Variants in GUCY1A2 observed in about 807,000 individuals in gnomAD.
GUCY1A2 encodes guanylate cyclase 1 soluble subunit alpha 2, also known as guanylate cyclase soluble subunit alpha-2.
A neutral mutation model predicts 63.5 loss-of-function variants in GUCY1A2; 27 were observed. That is an observed-to-expected ratio of 0.43 (90% confidence interval 0.31 to 0.59). The LOEUF is 0.59. Among genes scored for constraint, GUCY1A2 ranks in the 20% least tolerant of loss-of-function variants. The pLI, the probability that GUCY1A2 is intolerant of heterozygous loss-of-function variation, is 0.11. For missense variants in GUCY1A2, 768 were observed against 913.3 expected (o/e 0.84, Z 2.05); for synonymous variants, 364 against 343.5 (o/e 1.06, Z -0.66).
At chr11:106,888,707 A>G (rs1010570395) in intron 4 of GUCY1A2, among the ~76,000 whole-genome samples, 3 of 152,164 alleles carry the variant, frequency 2.0e-5, no homozygotes, top group Admixed American at 2.0e-4. Flanking sequence ...AATTACAACA[A>G]TGGTTTCCTT....
chr11:106,852,697 G>C (rs1008468281), intron 4 of GUCY1A2, among the ~76,000 whole-genome samples: 8 of 152,010 alleles, frequency 5.3e-5, no homozygotes, highest in Admixed American at 3.3e-4. Flanking sequence ...TGTGAAATCG[G>C]GTTTGGTTTG....
intron 3 of GUCY1A2, among the ~76,000 whole-genome samples, chr11:106,951,308 A>T (rs2120025045): frequency 6.6e-6 from 1 of 152,310 alleles, no homozygotes; most frequent in East Asian, 1.9e-4. Context: ...ATCCTTGAGG[A>T]ATCGCCACAC....
At chr11:106,826,250 T>C in intron 4 of GUCY1A2, 1 of 680,670 alleles carries the variant, frequency 1.5e-6, no homozygotes, top group Non-Finnish European at 2.4e-6. Flanking sequence ...TTTATGTTTT[T>C]ATATTTTTCC....
At chr11:106,971,023 T>C (rs1861186289) in intron 3 of GUCY1A2, among the ~76,000 whole-genome samples, 1 of 152,098 alleles carries the variant, frequency 6.6e-6, no homozygotes, top group South Asian at 2.1e-4. Flanking sequence ...GGCAAAACTA[T>C]AGCATGGCAA....
chr11:106,951,597 G>C (rs1860909971), intron 3 of GUCY1A2, among the ~76,000 whole-genome samples: 1 of 152,014 alleles, frequency 6.6e-6, no homozygotes, highest in African/African-American at 2.4e-5. Context: ...GTTTGGTTTT[G>C]TTTTTGGAAA....
intron 6 of GUCY1A2, among the ~76,000 whole-genome samples, chr11:106,774,289 A>G (rs972434309): frequency 8.6e-5 from 13 of 151,582 alleles, no homozygotes; most frequent in Non-Finnish European, 1.8e-4. Context: ...CCGCCACCAC[A>G]CCTGGCTAAT....
chr11:106,976,223 T>C lies in GUCY1A2; in HGVS notation c.487+2396A>G, dbSNP rs558785110. ...CCCCAAAGGTGATAAATATAAACCA[T>C]GGAGTTGGAACACTGCCTTCTGCCA... On this transcript the variant is annotated intron_variant, in intron 3 of 7. Coordinates refer to ENST00000526355, the MANE Select transcript of GUCY1A2 (RefSeq NM_000855.3). 5.9e-5 allele frequency among the ~76,000 whole-genome samples: 9 copies of C among 152,068 alleles called. No individual in the cohort carries two copies. In the South Asian group the frequency reaches 8.3e-4, roughly 14 times the overall value.
intron 4 of GUCY1A2, among the ~76,000 whole-genome samples, chr11:106,859,882 C>T (rs1262947658): frequency 6.6e-6 from 1 of 151,870 alleles, no homozygotes; most frequent in Admixed American, 6.6e-5. Flanking sequence ...TAGGCTCTAC[C>T]ATCTAGATTT....
At chr11:106,951,835 G>C (rs545492606) in intron 3 of GUCY1A2, among the ~76,000 whole-genome samples, 19 of 152,262 alleles carry the variant, frequency 1.2e-4, no homozygotes, top group African/African-American at 4.3e-4. Flanking sequence ...GAATGGTATT[G>C]CCTAGGTTTT....
chr11:106,710,897 T>A (rs752544552), intron 6 of GUCY1A2, among the ~76,000 whole-genome samples: 2 of 151,940 alleles, frequency 1.3e-5, no homozygotes, highest in African/African-American at 2.4e-5. Flanking sequence ...GCCACTCTGG[T>A]TGTAAGGAAA....
chr11:106,859,468 T>C lies in GUCY1A2; in HGVS notation c.1207-48990A>G, dbSNP rs113757824. 1.2e-3 allele frequency among the ~76,000 whole-genome samples: 189 copies of C among 152,160 alleles called. 1 individual carries two copies. Among genetic ancestry groups the C allele is most frequent in the African/African-American group, 4.2e-3 (176 of 41,558 alleles). On this transcript the variant is annotated intron_variant, in intron 4 of 7. Transcript: ENST00000526355. ...CAAGAAAGGTATAGTGCCAACGGAA[T>C]TGTACAATAGATTTAATTAATTGAC... is the stretch of plus-strand genomic sequence containing the variant.
At chr11:106,957,907 G>T (rs2120051848) in intron 3 of GUCY1A2, among the ~76,000 whole-genome samples, 1 of 123,596 alleles carries the variant, frequency 8.1e-6, no homozygotes, top group Admixed American at 9.4e-5. Flanking sequence ...AAAAGGTGTT[G>T]TGGTAAAGAA....
chr11:106,903,957 A>G (rs1860169647), intron 4 of GUCY1A2, among the ~76,000 whole-genome samples: 1 of 152,186 alleles, frequency 6.6e-6, no homozygotes, highest in Non-Finnish European at 1.5e-5. Flanking sequence ...CTTTCATTAA[A>G]TCACAACCTG....
rs1371301089 is a variant in GUCY1A2 at position 106,710,321 on chromosome 11, TATAG to T, written c.1837-1659_1837-1656del. 6.1e-3 allele frequency among the ~76,000 whole-genome samples: 122 copies of T among 19,932 alleles called. 12 individuals carry two copies. Among genetic ancestry groups the T allele is most frequent in the African/African-American group, 0.028 (108 of 3,894 alleles). 13.1% of individuals were successfully genotyped at this position (19,932 alleles called of 152,430 possible). A position where few individuals can be genotyped will look rare whatever the true frequency, so the allele number is the denominator to read the frequency against. Reference sequence around the variant, plus strand: ...TTATATATTATATACATGTATATAATATAGTTATATATATAATATATAGTTATAT... The same window carrying T: ...TTATATATTATATACATGTATATAATTTATATATATAATATATAGTTATAT... On this transcript the variant is annotated intron_variant, in intron 6 of 7. Transcript: ENST00000526355.
At chr11:106,950,878 A>G (rs1860898146) in intron 3 of GUCY1A2, among the ~76,000 whole-genome samples, 1 of 151,818 alleles carries the variant, frequency 6.6e-6, no homozygotes, top group African/African-American at 2.4e-5. Context: ...CCATCCTCTA[A>G]GTTCCCTGAC....
chr11:106,953,941 TTTTG>T (rs1860946966), intron 3 of GUCY1A2, among the ~76,000 whole-genome samples: 1 of 152,162 alleles, frequency 6.6e-6, no homozygotes, highest in African/African-American at 2.4e-5. Context: ...GGTCTATCTA[TTTTG>T]TTAATTTTTT....
chr11:106,832,590 A>T (rs1859066229), intron 4 of GUCY1A2, among the ~76,000 whole-genome samples: 1 of 152,082 alleles, frequency 6.6e-6, no homozygotes, highest in South Asian at 2.1e-4. Flanking sequence ...ATCACTAGAG[A>T]ATGAGCTTTT....
Position 106,768,215 on chromosome 11 carries a change from T to G in GUCY1A2, c.1836+8224A>C, listed in dbSNP as rs535304931. On this transcript the variant is annotated intron_variant, in intron 6 of 7. Transcript: ENST00000526355. ...CCAGCACAGGCTGGTGTCTAACTCC[T>G]GGATTAAAGCCATCCTCCCTCCTCA... is the stretch of plus-strand genomic sequence containing the variant. Among the ~76,000 whole-genome samples the G allele has an allele frequency of 1.6e-4, 24 of 152,290 alleles. 2 individuals carry two copies. In the South Asian group the frequency reaches 5.0e-3, roughly 32 times the overall value.
chr11:106,771,019 A>G (rs1340620691), intron 6 of GUCY1A2, among the ~76,000 whole-genome samples: 6 of 151,970 alleles, frequency 3.9e-5, no homozygotes, highest in Non-Finnish European at 7.4e-5. Context: ...AGAAAATTTG[A>G]ATTTGTATGC....
Sources: allele counts gnomAD v4.1 joint callset (sites outside exome capture counted in the v4.1 genomes callset), GRCh38; gene constraint gnomAD v4.1.1; transcripts MANE v1.5; gene names NCBI Gene and HGNC (gene_info 2026-07-23, HGNC 2026-07-21).